ADAMTSL1: variants seen among roughly 807,000 people sequenced by gnomAD.
ADAMTSL1 encodes ADAMTS like 1.
In ADAMTSL1, 126 loss-of-function variants were observed where a neutral mutation model predicts 201.8. The observed-to-expected ratio is 0.62, with a 90% CI of 0.54 to 0.72. The LOEUF is 0.72. ADAMTSL1 is among the 30% of genes least tolerant of loss of function. The pLI, the probability that ADAMTSL1 is intolerant of heterozygous loss-of-function variation, is 0.00. For missense variants in ADAMTSL1, 2,679 were observed against 2,277.8 expected (o/e 1.18, Z -3.59); for synonymous variants, 1,121 against 903.4 (o/e 1.24, Z -4.32).
chr9:18,408,473 C>T (rs921990387), intron 2 of ADAMTSL1, among the ~76,000 whole-genome samples: 2 of 151,798 alleles, frequency 1.3e-5, no homozygotes, highest in African/African-American at 2.4e-5. Flanking sequence ...ACTCTCCGCA[C>T]CCCCCACCCA....
At chr9:17,950,725 T>C (rs1827701541) in intron 1 of ADAMTSL1, among the ~76,000 whole-genome samples, 1 of 152,084 alleles carries the variant, frequency 6.6e-6, no homozygotes, top group Admixed American at 6.6e-5. Flanking sequence ...TTTATATCCG[T>C]CAGAGTCACA....
intron 3 of ADAMTSL1, among the ~76,000 whole-genome samples, chr9:18,535,298 AG>A (rs1462094043): frequency 1.3e-5 from 2 of 152,164 alleles, no homozygotes; most frequent in Admixed American, 1.3e-4. Flanking sequence ...CTTCCCAACA[AG>A]TTCCTTTTCT....
At chr9:18,201,805 C>G (rs926456294) in intron 2 of ADAMTSL1, among the ~76,000 whole-genome samples, 1 of 152,058 alleles carries the variant, frequency 6.6e-6, no homozygotes, top group African/African-American at 2.4e-5. Flanking sequence ...TGTTATCAAA[C>G]CTATTAACCC....
At chr9:18,214,264 T>C (rs1477256813) in intron 2 of ADAMTSL1, among the ~76,000 whole-genome samples, 2 of 152,234 alleles carry the variant, frequency 1.3e-5, no homozygotes, top group South Asian at 2.1e-4. Context: ...AGCATAGTTA[T>C]AGTACATGTT....
At chr9:18,480,895 G>T (rs1183006907) in intron 1 of ADAMTSL1, among the ~76,000 whole-genome samples, 1 of 152,152 alleles carries the variant, frequency 6.6e-6, no homozygotes, top group Non-Finnish European at 1.5e-5. Context: ...GGTAGAAAAT[G>T]AGGAAAGAAA....
rs1022620170 is a variant in ADAMTSL1 at position 18,372,174 on chromosome 9, T to C, written c.208-132655T>C. Among the ~76,000 whole-genome samples the C allele has an allele frequency of 1.7e-4, 26 of 152,092 alleles. 1 individual carries two copies. Among genetic ancestry groups the C allele is most frequent in the African/African-American group, 5.8e-4 (24 of 41,414 alleles). On this transcript the variant is annotated intron_variant, in intron 2 of 29. Transcript: ENST00000680146. ...TAAAATTTGTCTACCGTACAGCACT[T>C]AAAACAAGAGGGAATACATAACAAA...
chr9:18,908,369 C>A, intron 28 of ADAMTSL1, 73 bp from the exon 29 acceptor site: 2 of 1,314,190 alleles, frequency 1.5e-6, no homozygotes, highest in Non-Finnish European at 2.1e-6. Context: ...GCACCTCACA[C>A]AGGCTGCGTT....
chr9:18,323,708 A>C (rs1405137415), intron 2 of ADAMTSL1, among the ~76,000 whole-genome samples: 1 of 152,202 alleles, frequency 6.6e-6, no homozygotes, highest in African/African-American at 2.4e-5. Flanking sequence ...CAAATAATTA[A>C]AATTTAAAAA....
At chr9:18,195,885 T>C (rs563190711) in intron 2 of ADAMTSL1, among the ~76,000 whole-genome samples, 1 of 152,270 alleles carries the variant, frequency 6.6e-6, no homozygotes, top group South Asian at 2.1e-4. Flanking sequence ...CCATAGTGAG[T>C]GATTTCGTCC....
At chr9:18,036,327 C>T (rs1442800335) in intron 1 of ADAMTSL1, among the ~76,000 whole-genome samples, 1 of 152,096 alleles carries the variant, frequency 6.6e-6, no homozygotes, top group Non-Finnish European at 1.5e-5. Context: ...CCCAAAGGCC[C>T]GTGGATTCTC....
At chr9:18,656,370 G>A (rs1165880846) in intron 7 of ADAMTSL1, among the ~76,000 whole-genome samples, 3 of 151,984 alleles carry the variant, frequency 2.0e-5, no homozygotes, top group Non-Finnish European at 2.9e-5. Context: ...GGTGGCTCAC[G>A]CCTGTTATCC....
At chr9:18,431,906 G>T (rs1819509649) in intron 2 of ADAMTSL1, among the ~76,000 whole-genome samples, 1 of 152,218 alleles carries the variant, frequency 6.6e-6, no homozygotes, top group African/African-American at 2.4e-5. Flanking sequence ...TTAAATTCAT[G>T]TAGCATAAAA....
intron 7 of ADAMTSL1, among the ~76,000 whole-genome samples, chr9:18,645,796 G>C (rs375043676): frequency 5.0e-5 from 7 of 140,358 alleles, no homozygotes; most frequent in African/African-American, 8.0e-5. Flanking sequence ...CTGTAGCCTT[G>C]TAGTATAGTT....
intron 15 of ADAMTSL1, among the ~76,000 whole-genome samples, chr9:18,729,409 G>A (rs1818083055): frequency 6.6e-6 from 1 of 152,186 alleles, no homozygotes; most frequent in South Asian, 2.1e-4. Flanking sequence ...ACTATAAAGA[G>A]CCACGAGAAG....
chr9:18,267,547 T>C (rs1473861121), intron 2 of ADAMTSL1, among the ~76,000 whole-genome samples: 27 of 152,122 alleles, frequency 1.8e-4, no homozygotes, highest in Admixed American at 1.8e-3. Context: ...GAACCTGTCA[T>C]TGTATTCAGG....
intron 2 of ADAMTSL1, among the ~76,000 whole-genome samples, chr9:18,402,789 C>T (rs555449698): frequency 9.2e-5 from 14 of 152,278 alleles, no homozygotes; most frequent in Admixed American, 3.9e-4. Flanking sequence ...CCATCCAGGG[C>T]CTGGAATTAG....
chr9:18,769,412 T>A (rs1229082114), intron 16 of ADAMTSL1, among the ~76,000 whole-genome samples: 1 of 152,190 alleles, frequency 6.6e-6, no homozygotes, highest in East Asian at 1.9e-4. Context: ...CAATAAAATA[T>A]CCCCACCACA....
At chr9:17,985,239 A>C (rs973391002) in intron 1 of ADAMTSL1, among the ~76,000 whole-genome samples, 3 of 152,102 alleles carry the variant, frequency 2.0e-5, no homozygotes, top group African/African-American at 7.2e-5. Flanking sequence ...TTTTGAATAG[A>C]ATGATGTAAT....
At chr9:18,772,431 G>T (rs913029341) in intron 17 of ADAMTSL1, among the ~76,000 whole-genome samples, 3 of 152,126 alleles carry the variant, frequency 2.0e-5, no homozygotes, top group Non-Finnish European at 2.9e-5. Flanking sequence ...TAAGAAAAAG[G>T]TCCCATTGGT....
Sources: allele counts gnomAD v4.1 joint callset (sites outside exome capture counted in the v4.1 genomes callset), GRCh38; gene constraint gnomAD v4.1.1; transcripts MANE v1.5; gene names NCBI Gene and HGNC (gene_info 2026-07-23, HGNC 2026-07-21).